ALK: variants seen among roughly 807,000 people sequenced by gnomAD.
ALK encodes the protein ALK receptor tyrosine kinase, also known as ALK tyrosine kinase receptor.
In ALK, 74 loss-of-function variants were observed where a neutral mutation model predicts 163.1. That is an observed-to-expected ratio of 0.45 (90% CI 0.38 to 0.55). The LOEUF (loss-of-function observed/expected upper bound fraction) is 0.55, where lower values mean the gene tolerates loss of function less well. ALK is among the 20% of genes least tolerant of loss of function. ALK has a pLI of 0.00. For missense variants in ALK, 2,063 were observed against 2,105.3 expected (o/e 0.98, Z 0.39); for synonymous variants, 960 against 843.2 (o/e 1.14, Z -2.40).
Position 29,227,176 on chromosome 2 carries a change from C to G in ALK, c.2915-102G>C, listed in dbSNP as rs999132107. The G allele has an allele frequency of 8.9e-5, 133 of 1,492,208 alleles. No individual in the cohort carries two copies. Among genetic ancestry groups the G allele is most frequent in the Admixed American group, 7.1e-4 (42 of 59,448 alleles). The allele number at this position is 1,492,208 out of a possible 1,614,324, so 92.4% of individuals were successfully genotyped here. On this transcript the variant is annotated intron_variant, in intron 17 of 28. Transcript: ENST00000389048. This position sits in a 1 kb window ranked among gnomAD's most constrained non-coding sequence, Gnocchi z 4.4. ...TGGTCACTGTGGGTGCTCTGGTGGT[C>G]CCTGTTCCTAGGTCCCATAGCCACT...
At chr2:29,287,484 A>G (rs1027161766) in intron 9 of ALK, among the ~76,000 whole-genome samples, 7 of 152,208 alleles carry the variant, frequency 4.6e-5, no homozygotes, top group African/African-American at 1.7e-4. Context: ...TTAAATGATG[A>G]TACAGAAGCC....
At chr2:29,430,222 C>T (rs80155923) in intron 4 of ALK, among the ~76,000 whole-genome samples, 13,887 of 152,058 alleles carry the variant, frequency 0.091, 858 homozygotes, top group Non-Finnish European at 0.14. Context: ...AATTTTAAAC[C>T]TTGTTGCTTC....
chr2:29,518,584 C>T (rs1672732912), intron 4 of ALK, among the ~76,000 whole-genome samples: 1 of 152,130 alleles, frequency 6.6e-6, no homozygotes, highest in African/African-American at 2.4e-5. Context: ...AAAGGGTGAG[C>T]CAGGCTTAAG....
At chr2:29,822,619 G>A (rs962009196) in intron 1 of ALK, among the ~76,000 whole-genome samples, 1 of 152,212 alleles carries the variant, frequency 6.6e-6, no homozygotes, top group African/African-American at 2.4e-5. Flanking sequence ...GCCTCTCTGA[G>A]CCTCAGTGAG....
At chr2:29,550,225 T>G (rs1194352606) in intron 3 of ALK, among the ~76,000 whole-genome samples, 1 of 152,198 alleles carries the variant, frequency 6.6e-6, no homozygotes, top group Non-Finnish European at 1.5e-5. Flanking sequence ...TGTAAGGTAG[T>G]TATATGATTA....
At chr2:29,502,861 G>A (rs192845138) in intron 4 of ALK, among the ~76,000 whole-genome samples, 22 of 152,300 alleles carry the variant, frequency 1.4e-4, no homozygotes, top group Non-Finnish European at 7.3e-5. Flanking sequence ...TCATTCAGCC[G>A]TGATTACAGC....
At chr2:29,299,358 A>G (rs1354376577) in intron 8 of ALK, among the ~76,000 whole-genome samples, 1 of 152,178 alleles carries the variant, frequency 6.6e-6, no homozygotes, top group African/African-American at 2.4e-5. Flanking sequence ...CTATTATCTG[A>G]GGAAATCAAC....
Position 29,383,764 on chromosome 2 carries a change from AC to A in ALK, c.1249del (p.Val417TrpfsTer6), listed in dbSNP as rs1668962676. The A allele has an allele frequency of 6.2e-7, 1 of 1,614,178 alleles. No individual in the cohort carries two copies. The highest frequency in any genetic ancestry group is 8.5e-7 in the Non-Finnish European group (1 of 1,180,004). Reference protein sequence around the residue: ...ISSGNRSLSAVDFFALKNCSE... With the variant: ...ISSGNRSLSAXDFFALKNCSE... The stretch of plus-strand genomic sequence containing the variant: ...GCAGTTCTTCAGGGCAAAGAAGTCC[AC>A]TGCAGACAAGCTGCGGTTTCCACTG... On this transcript the variant is annotated frameshift_variant, in exon 5 of 29. Coordinates refer to ENST00000389048, the MANE Select transcript of ALK (RefSeq NM_004304.5). LOFTEE classifies it high-confidence loss of function.
rs2148169071 is a variant in ALK, at chr2:29,222,507, C to T, written c.3450+10G>A. On this transcript the variant is annotated intron_variant, in intron 21 of 28. Coordinates refer to ENST00000389048, the MANE Select transcript of ALK (RefSeq NM_004304.5). ...GCCAAGGGCAGGCTCAAGAGTGAGC[C>T]ACTTCTTACCTTCACAGCCACTTGC... 1 of 1,614,080 alleles carries T rather than the reference C, an allele frequency of 6.2e-7. No homozygotes were observed. Among genetic ancestry groups the T allele is most frequent in the Non-Finnish European group, 8.5e-7 (1 of 1,179,984 alleles).
At chr2:29,198,538 G>A (rs1388724807) in intron 26 of ALK, among the ~76,000 whole-genome samples, 1 of 152,124 alleles carries the variant, frequency 6.6e-6, no homozygotes, top group Non-Finnish European at 1.5e-5. Flanking sequence ...GAATTAAAAT[G>A]TAGGCTAATT....
chr2:29,857,751 T>C (rs113226609), intron 1 of ALK, among the ~76,000 whole-genome samples: 1,971 of 152,334 alleles, frequency 0.013, 56 homozygotes, highest in African/African-American at 0.046. Flanking sequence ...AAATCTATTA[T>C]TCCCAAGAGA....
At chr2:29,411,260 T>A (rs1275991193) in intron 4 of ALK, among the ~76,000 whole-genome samples, 1 of 152,194 alleles carries the variant, frequency 6.6e-6, no homozygotes, top group African/African-American at 2.4e-5. Flanking sequence ...TCATCTGTGA[T>A]AACAATGCCT....
chr2:29,745,594 G>C (rs2148327730), intron 1 of ALK, among the ~76,000 whole-genome samples: 1 of 152,274 alleles, frequency 6.6e-6, no homozygotes, highest in Admixed American at 6.5e-5. Flanking sequence ...GTGGTTCTTT[G>C]CCTGACACAA....
At chr2:29,538,482 G>A (rs539032146) in intron 3 of ALK, among the ~76,000 whole-genome samples, 58 of 152,180 alleles carry the variant, frequency 3.8e-4, no homozygotes, top group African/African-American at 1.4e-3. Context: ...TGTCATGATT[G>A]TAAGTTTCCT....
chr2:29,336,351 C>G (rs1404941253), intron 5 of ALK, among the ~76,000 whole-genome samples: 5 of 152,228 alleles, frequency 3.3e-5, no homozygotes, highest in African/African-American at 1.2e-4. Flanking sequence ...CTGAAGCCTT[C>G]TCCCTTCCAG....
At chr2:29,806,941 A>G (rs796466596) in intron 1 of ALK, among the ~76,000 whole-genome samples, 11 of 152,348 alleles carry the variant, frequency 7.2e-5, no homozygotes, top group African/African-American at 2.6e-4. Context: ...AAAAACATAG[A>G]TGTGTGCGCA....
chr2:29,413,509 G>A (rs1352772958), intron 4 of ALK, among the ~76,000 whole-genome samples: 1 of 151,440 alleles, frequency 6.6e-6, no homozygotes, highest in African/African-American at 2.4e-5. Context: ...ACCACATCTG[G>A]CTGATTTTTA....
intron 4 of ALK, among the ~76,000 whole-genome samples, chr2:29,476,198 T>G (rs1195278774): frequency 6.6e-6 from 1 of 152,098 alleles, no homozygotes; most frequent in Non-Finnish European, 1.5e-5. Flanking sequence ...TGCTGCCCTC[T>G]CCTCCCCATG....
chr2:29,627,674 TG>T (rs1222774101), intron 3 of ALK, among the ~76,000 whole-genome samples: 1 of 152,054 alleles, frequency 6.6e-6, no homozygotes, highest in African/African-American at 2.4e-5. Flanking sequence ...GAAGGGGAGA[TG>T]GGGGTGGGAG....
Sources: allele counts gnomAD v4.1 joint callset (sites outside exome capture counted in the v4.1 genomes callset), GRCh38; gene constraint gnomAD v4.1.1; non-coding constraint Gnocchi (gnomAD v3.1); transcripts MANE v1.5; gene names NCBI Gene and HGNC (gene_info 2026-07-23, HGNC 2026-07-21).